Variants in NLRP12 observed in about 807,000 individuals in gnomAD.
NLRP12 encodes NACHT, LRR and PYD domains-containing protein 12.
NLRP12 carries 108 observed loss-of-function variants against 91.2 expected under a neutral mutation model. The ratio of observed to expected loss-of-function variants is 1.18; its 90% CI spans 1.01 to 1.39. The LOEUF is 1.39. NLRP12 is among the 40% of genes most tolerant of loss of function. The pLI is 0.00. For missense variants in NLRP12, 1,530 were observed against 1,352.7 expected (o/e 1.13, Z -2.06); for synonymous variants, 613 against 566.7 (o/e 1.08, Z -1.16).
intron 3 of NLRP12, 84 bp downstream of exon 3, chr19:53,809,503 C>T (rs566336020): frequency 1.2e-4 from 162 of 1,364,738 alleles, no homozygotes; most frequent in Non-Finnish European, 1.5e-4. Flanking sequence ...TGTACTCCAG[C>T]CTAGGCAACA....
rs749974149 is a variant in NLRP12 at position 53,809,605 on chromosome 19, T to C, written c.2054A>G (p.His685Arg). 6.2e-7 allele frequency: 1 copy of C among 1,611,600 alleles called. No individual in the cohort carries two copies. The highest frequency in any genetic ancestry group is 8.5e-7 in the Non-Finnish European group (1 of 1,179,554). ...TACTTACAGCTGCACCAACAGCGTG[T>C]GCGCTCCTGCGGAGCACCTCGCGCG... ...EDRARCSAGAHTLLVQLPERT... is the reference protein window; with the variant it reads ...EDRARCSAGARTLLVQLPERT... The change falls in exon 3 of 10, where the codon CAC (histidine) becomes CGC (arginine). Residue 685 changes from histidine (H) to arginine (R), a missense_variant. Coordinates refer to ENST00000324134, the MANE Select transcript of NLRP12 (RefSeq NM_144687.4).
chr19:53,813,859 C>T (rs539050263), intron 2 of NLRP12, among the ~76,000 whole-genome samples: 7 of 148,784 alleles, frequency 4.7e-5, no homozygotes, highest in East Asian at 2.0e-4. Flanking sequence ...AGCTAATGTT[C>T]GATTTTTTGT....
rs1445163997 is a variant in NLRP12 at position 53,823,943 on chromosome 19, C to T, written c.232G>A (p.Glu78Lys). ...EAWRLALSTF[E>K]RINRKDLWER... Reference sequence around the variant, plus strand: ...CACAGGTCCTTCCTGTTTATCCGCTCAAAGGTGCTGAGAGCCAACCTCCAG... The same window carrying T: ...CACAGGTCCTTCCTGTTTATCCGCTTAAAGGTGCTGAGAGCCAACCTCCAG... Residue 78 changes from glutamate (E) to lysine (K), a missense_variant, in exon 1 of 10, where the codon GAG (glutamate) becomes AAG (lysine). Transcript: ENST00000324134. 2 of 1,614,112 alleles carry T rather than the reference C, an allele frequency of 1.2e-6. No individual in the cohort carries two copies. Among genetic ancestry groups the T allele is most frequent in the African/African-American group, 1.3e-5 (1 of 75,010 alleles).
At position 53,810,480 on chromosome 19, in the gene NLRP12, G is replaced by T. The variant is rs1181564621; in HGVS notation, c.1179C>A (p.Asp393Glu). ...AGCACATGGTGAAGAGAGGCTCGTT[G>T]TCCCTCACGTAATTGAAGACTTGGC... ...QAGQVFNYVRDNEPLFTMCFV... is the reference protein window; with the variant it reads ...QAGQVFNYVRENEPLFTMCFV... Residue 393 changes from aspartate (D) to glutamate (E), a missense_variant, in exon 3 of 10, where the codon GAC (aspartate) becomes GAA (glutamate). Coordinates refer to ENST00000324134, the MANE Select transcript of NLRP12 (RefSeq NM_144687.4). The T allele has an allele frequency of 6.2e-7, 1 of 1,614,104 alleles. No homozygotes were observed. The highest frequency in any genetic ancestry group is 1.7e-5 in the Admixed American group (1 of 60,002).
chr19:53,823,360 T>C (rs1001863725), intron 1 of NLRP12, among the ~76,000 whole-genome samples: 2 of 136,396 alleles, frequency 1.5e-5, no homozygotes, highest in East Asian at 2.0e-4. Flanking sequence ...CCATATTTAA[T>C]ATATATTTAA....
At chr19:53,804,375 G>C (rs1180480370) in intron 5 of NLRP12, among the ~76,000 whole-genome samples, 2 of 126,356 alleles carry the variant, frequency 1.6e-5, no homozygotes, top group Non-Finnish European at 3.5e-5. Context: ...TTGTTTGTTT[G>C]TTTTTTGTTT....
At chr19:53,806,227 A>G (rs1600696735) in intron 4 of NLRP12, among the ~76,000 whole-genome samples, 1 of 151,552 alleles carries the variant, frequency 6.6e-6, no homozygotes, top group African/African-American at 2.4e-5. Context: ...GAGCAATACT[A>G]TCTCAAAAAA....
Position 53,824,102 on chromosome 19 carries a change from G to A in NLRP12, c.73C>T (p.Leu25=). ...CCCAGGTATAACTTGAACTTCTTCA[G>A]TTCCACAGCCTCGAGTTCTTCCAAG... ...TYLEELEAVE[L]KKFKLYLGTA... The change falls in exon 1 of 10, where the codon CTG becomes TTG. Residue 25 remains leucine, a synonymous_variant. Transcript: ENST00000324134. 6.2e-7 allele frequency: 1 copy of A among 1,614,092 alleles called. No individual in the cohort carries two copies. The highest frequency in any genetic ancestry group is 8.5e-7 in the Non-Finnish European group (1 of 1,180,022).
chr19:53,823,395 AATATATATTTAAAATATATGTTTTAAAT>A (rs1278301556), intron 1 of NLRP12, among the ~76,000 whole-genome samples: 1 of 134,642 alleles, frequency 7.4e-6, no homozygotes, highest in Non-Finnish European at 1.6e-5. Flanking sequence ...ACATATTTTA[AATATATATTTAAAATATATGTTTTAAAT>A]ATATATATTT....
chr19:53,814,070 C>T (rs1020777795), intron 2 of NLRP12, among the ~76,000 whole-genome samples: 2 of 152,154 alleles, frequency 1.3e-5, no homozygotes, highest in African/African-American at 2.4e-5. Flanking sequence ...GCATTGTTAA[C>T]AGTGTTGCTG....
At chr19:53,819,570 T>TAC (rs1568696188) in intron 1 of NLRP12, among the ~76,000 whole-genome samples, 1 of 90,964 alleles carries the variant, frequency 1.1e-5, no homozygotes, top group Non-Finnish European at 2.4e-5. Flanking sequence ...CGTATATATA[T>TAC]GCGTATATAT....
chr19:53,806,139 CAGG>C (rs1174105532), intron 4 of NLRP12, among the ~76,000 whole-genome samples: 1 of 151,946 alleles, frequency 6.6e-6, no homozygotes, highest in Non-Finnish European at 1.5e-5. Flanking sequence ...GAGGCTGAGG[CAGG>C]AGAATTGCTT....
Position 53,809,802 on chromosome 19 carries a change from C to T in NLRP12, c.1857G>A (p.Glu619=), listed in dbSNP as rs1468646130. The T allele has an allele frequency of 6.2e-7, 1 of 1,614,072 alleles. No individual in the cohort carries two copies. Among genetic ancestry groups the T allele is most frequent in the Non-Finnish European group, 8.5e-7 (1 of 1,179,980 alleles). The change falls in exon 3 of 10, where the codon GAG becomes GAA. Residue 619 remains glutamate (E), a synonymous_variant. Coordinates refer to ENST00000324134, the MANE Select transcript of NLRP12 (RefSeq NM_144687.4). ...GSLEFFSCLY[E]IQEEEFIQQA... ...GCTGGATAAACTCCTCCTCCTGGATCTCGTACAAGCAGCTGAAGAACTCCA... is the reference window on the plus strand; with the variant it reads ...GCTGGATAAACTCCTCCTCCTGGATTTCGTACAAGCAGCTGAAGAACTCCA...
At chr19:53,794,522 G>T (rs867789128) in intron 9 of NLRP12, among the ~76,000 whole-genome samples, 4 of 146,938 alleles carry the variant, frequency 2.7e-5, no homozygotes, top group Non-Finnish European at 1.5e-5. Flanking sequence ...GGTTTCACCC[G>T]TGTTAGCCAG....
chr19:53,797,872 C>T (rs748247555), intron 8 of NLRP12, among the ~76,000 whole-genome samples: 2 of 151,130 alleles, frequency 1.3e-5, no homozygotes, highest in African/African-American at 2.4e-5. Flanking sequence ...CCAAGTAGCT[C>T]GGATTACAGG....
Position 53,793,967 on chromosome 19 carries a change from G to C in NLRP12, c.*82C>G. On this transcript the variant is annotated 3_prime_UTR_variant, in exon 10 of 10. Coordinates refer to ENST00000324134, the MANE Select transcript of NLRP12 (RefSeq NM_144687.4). ...TGAGTCTGTCTCTAGGAAGGAGGCT[G>C]ATCATTATGCTGGGGGGGTGATGAG... 6.3e-6 allele frequency: 6 copies of C among 948,128 alleles called. No individual in the cohort carries two copies. The highest frequency in any genetic ancestry group is 1.0e-5 in the Non-Finnish European group (6 of 572,866). The allele number at this position is 948,128 out of a possible 1,614,324, so 58.7% of individuals were successfully genotyped here. A position where few individuals can be genotyped will look rare whatever the true frequency, so the allele number is the denominator to read the frequency against.
intron 7 of NLRP12, among the ~76,000 whole-genome samples, chr19:53,799,456 C>T (rs2091830833): frequency 6.6e-6 from 1 of 151,946 alleles, no homozygotes; most frequent in Admixed American, 6.6e-5. Context: ...TGGAATGCCA[C>T]CACACACACA....
intron 7 of NLRP12, among the ~76,000 whole-genome samples, chr19:53,800,058 T>G (rs985786408): frequency 6.6e-6 from 1 of 151,730 alleles, no homozygotes. Context: ...CCCAGCACTT[T>G]GGGAGGCCGA....
Position 53,803,933 on chromosome 19 carries a change from G to A in NLRP12, c.2585+19C>T, listed in dbSNP as rs1370180072. 6.2e-7 allele frequency: 1 copy of A among 1,611,054 alleles called. No homozygotes were observed. Among genetic ancestry groups the A allele is most frequent in the Non-Finnish European group, 8.5e-7 (1 of 1,177,388 alleles). The stretch of plus-strand genomic sequence containing the variant: ...AGAGATTTGCCATTTTATTATAGTT[G>A]ACCCCAGGAAGAACTCACCACAAAG... On this transcript the variant is annotated intron_variant, in intron 6 of 9. Transcript: ENST00000324134.
Sources: allele counts gnomAD v4.1 joint callset (sites outside exome capture counted in the v4.1 genomes callset), GRCh38; gene constraint gnomAD v4.1.1; transcripts MANE v1.5; gene names NCBI Gene and HGNC (gene_info 2026-07-23, HGNC 2026-07-21).